SYT13: variants seen among roughly 807,000 people sequenced by gnomAD.
The protein encoded by SYT13 is synaptotagmin 13, also known as synaptotagmin-13.
Under a neutral mutation model 38.6 loss-of-function variants are expected in SYT13, and 21 were observed. The ratio of observed to expected loss-of-function variants is 0.54; its 90% CI spans 0.39 to 0.78. The LOEUF (loss-of-function observed/expected upper bound fraction) is 0.78. Ranked by LOEUF, SYT13 falls within the 30% of genes least tolerant of loss-of-function variation. SYT13 has a pLI of 0.00. For missense variants in SYT13, 495 were observed against 548.7 expected (o/e 0.90, Z 0.98); for synonymous variants, 241 against 237.6 (o/e 1.01, Z -0.13).
chr11:45,258,674 C>T (rs1209027972), intron 1 of SYT13, among the ~76,000 whole-genome samples: 1 of 152,130 alleles, frequency 6.6e-6, no homozygotes, highest in African/African-American at 2.4e-5. Flanking sequence ...ATGCAGGGCA[C>T]AATCAGGGGT....
At chr11:45,245,475 G>A (rs1174866992) in intron 5 of SYT13, among the ~76,000 whole-genome samples, 6 of 152,192 alleles carry the variant, frequency 3.9e-5, no homozygotes, top group Non-Finnish European at 8.8e-5. Flanking sequence ...TTTGACCTTT[G>A]ACTCAGGAAC....
chr11:45,245,977 G>A (rs1362616998), intron 5 of SYT13, among the ~76,000 whole-genome samples: 12 of 152,138 alleles, frequency 7.9e-5, no homozygotes, highest in African/African-American at 2.7e-4. Flanking sequence ...CTGAAAGGTG[G>A]GTCCAGCCAG....
At chr11:45,250,284 T>C (rs1011281305) in intron 4 of SYT13, among the ~76,000 whole-genome samples, 5 of 152,238 alleles carry the variant, frequency 3.3e-5, no homozygotes, top group African/African-American at 1.2e-4. Flanking sequence ...ACAGAAAGTA[T>C]GATAATTATT....
At chr11:45,244,967 A>G (rs527382320) in intron 5 of SYT13, among the ~76,000 whole-genome samples, 2 of 152,326 alleles carry the variant, frequency 1.3e-5, no homozygotes, top group South Asian at 4.1e-4. Flanking sequence ...TCAGACCAGA[A>G]AAATGAAGCC....
rs770979083 is a variant in SYT13, at chr11:45,286,072, G to T, written c.136C>A (p.Pro46Thr). 5 of 1,609,662 alleles carry T rather than the reference G, an allele frequency of 3.1e-6. No homozygotes were observed. The South Asian group carries it at 4.4e-5, about 14-fold the overall frequency. ...CTGGGCTTCGCCTTCTCCAGGTCGG[G>T]GTCCTGGTCCCGCGGCAGCAGCCCC... ...KKGLLPRDQD[P>T]DLEKAKPSLL... The change falls in exon 1 of 6, where the codon CCC becomes ACC. Residue 46 changes from proline (P) to threonine (T), a missense_variant. Transcript: ENST00000020926.
At chr11:45,249,458 TA>T (rs1163149063) in intron 4 of SYT13, among the ~76,000 whole-genome samples, 1 of 152,250 alleles carries the variant, frequency 6.6e-6, no homozygotes, top group African/African-American at 2.4e-5. Flanking sequence ...CACATATGTT[TA>T]TTGCAGCACT....
Position 45,283,858 on chromosome 11 carries a change from G to A in SYT13, c.183+2167C>T, listed in dbSNP as rs371831511. On this transcript the variant is annotated intron_variant, in intron 1 of 5. Coordinates refer to ENST00000020926, the MANE Select transcript of SYT13 (RefSeq NM_020826.3). The stretch of plus-strand genomic sequence containing the variant: ...TTATTGGACACCTACTACTTTCCAG[G>A]CACTGAGAGGGTGCTGGGAATAAAT... Among the ~76,000 whole-genome samples the A allele has an allele frequency of 5.9e-5, 9 of 152,326 alleles. No homozygotes were observed. The South Asian group carries it at 1.0e-3, about 18-fold the overall frequency.
rs1590511060 is a variant in SYT13, at chr11:45,252,271, C to T, written c.846+150G>A. On this transcript the variant is annotated intron_variant, in intron 4 of 5. Coordinates refer to ENST00000020926, the MANE Select transcript of SYT13 (RefSeq NM_020826.3). This position sits in a 1 kb window ranked among gnomAD's most constrained non-coding sequence, Gnocchi z 4.3. ...TATGGGTCTCCTCTAGCCCTCTGCC[C>T]CATTCAAGATTCCAACCTCCCTTCC... The T allele has an allele frequency of 7.7e-6, 7 of 910,016 alleles. No individual in the cohort carries two copies. In the East Asian group the frequency reaches 1.5e-4, roughly 19 times the overall value. 56.4% of individuals were successfully genotyped at this position (910,016 alleles called of 1,614,324 possible).
intron 5 of SYT13, among the ~76,000 whole-genome samples, chr11:45,245,699 T>C (rs973864935): frequency 8.5e-5 from 13 of 152,234 alleles, no homozygotes; most frequent in Non-Finnish European, 8.8e-5. Flanking sequence ...TCCGAGATGC[T>C]GGACCTGGGC....
intron 4 of SYT13, among the ~76,000 whole-genome samples, chr11:45,248,268 A>G (rs1351562021): frequency 6.6e-6 from 1 of 152,198 alleles, no homozygotes; most frequent in Non-Finnish European, 1.5e-5. Flanking sequence ...TGTCCATCCC[A>G]CTAGAAAGTA....
intron 3 of SYT13, among the ~76,000 whole-genome samples, chr11:45,253,027 C>G (rs1590512009): frequency 6.6e-6 from 1 of 152,174 alleles, no homozygotes; most frequent in East Asian, 1.9e-4. Flanking sequence ...AGGCTTGCTG[C>G]TGGGGGCCTT....
chr11:45,275,523 C>A (rs1436234088), intron 1 of SYT13, among the ~76,000 whole-genome samples: 1 of 152,160 alleles, frequency 6.6e-6, no homozygotes, highest in Non-Finnish European at 1.5e-5. Context: ...TAATGCATTC[C>A]AAGTCTACCC....
intron 1 of SYT13, among the ~76,000 whole-genome samples, chr11:45,274,545 C>T (rs1359940309): frequency 6.6e-6 from 1 of 152,178 alleles, no homozygotes; most frequent in East Asian, 1.9e-4. Flanking sequence ...TGCTGGAAAT[C>T]AAAGTGTATT....
intron 1 of SYT13, among the ~76,000 whole-genome samples, chr11:45,274,690 C>A (rs925585374): frequency 1.3e-5 from 2 of 152,230 alleles, no homozygotes; most frequent in African/African-American, 4.8e-5. Flanking sequence ...CCTTACCAAA[C>A]CGCTTTTACC....
rs1002329213 is a variant in SYT13, at chr11:45,243,996, G to T, written c.*56C>A. On this transcript the variant is annotated 3_prime_UTR_variant, in exon 6 of 6. Transcript: ENST00000020926. ...AGAATGAGGAAAGGGGCACAGAAAGGAGGTTGCAGAGGACGGGTCAGGGCT... is the reference window on the plus strand; with the variant it reads ...AGAATGAGGAAAGGGGCACAGAAAGTAGGTTGCAGAGGACGGGTCAGGGCT... 8 of 1,507,614 alleles carry T rather than the reference G, an allele frequency of 5.3e-6. No individual in the cohort carries two copies. The highest frequency in any genetic ancestry group is 1.4e-5 in the African/African-American group (1 of 72,860). 93.4% of individuals were successfully genotyped at this position (1,507,614 alleles called of 1,614,324 possible).
At chr11:45,265,049 G>A (rs758669890) in intron 1 of SYT13, among the ~76,000 whole-genome samples, 2 of 152,250 alleles carry the variant, frequency 1.3e-5, no homozygotes, top group Non-Finnish European at 2.9e-5. Context: ...TGGCTACTGA[G>A]AGCAACGTGA....
chr11:45,249,891 A>AT (rs2135887642), intron 4 of SYT13, among the ~76,000 whole-genome samples: 1 of 152,330 alleles, frequency 6.6e-6, no homozygotes, highest in Non-Finnish European at 1.5e-5. Flanking sequence ...AGAACTTAAA[A>AT]TATAATAATA....
chr11:45,271,865 C>T (rs1028161297), intron 1 of SYT13, among the ~76,000 whole-genome samples: 2 of 152,122 alleles, frequency 1.3e-5, no homozygotes, highest in African/African-American at 4.8e-5. Flanking sequence ...ACTTCTCAGG[C>T]TTCCCTTTCC....
intron 1 of SYT13, among the ~76,000 whole-genome samples, chr11:45,262,721 T>TCACACACACA (rs71451610): frequency 7.0e-4 from 55 of 78,260 alleles, no homozygotes; most frequent in South Asian, 1.6e-3. Flanking sequence ...GGAGATCCTA[T>TCACACACACA]CACACACACA....
Sources: allele counts gnomAD v4.1 joint callset (sites outside exome capture counted in the v4.1 genomes callset), GRCh38; gene constraint gnomAD v4.1.1; non-coding constraint Gnocchi (gnomAD v3.1); transcripts MANE v1.5; gene names NCBI Gene and HGNC (gene_info 2026-07-23, HGNC 2026-07-21).